CROT: variants seen among roughly 807,000 people sequenced by gnomAD.
CROT encodes peroxisomal carnitine O-octanoyltransferase.
CROT carries 84 observed loss-of-function variants against 89.2 expected under a neutral mutation model. That is an observed-to-expected ratio of 0.94 (90% CI 0.79 to 1.13). The LOEUF (loss-of-function observed/expected upper bound fraction) is 1.13, where lower values mean the gene tolerates loss of function less well. CROT is among the 50% of genes most tolerant of loss of function. The pLI is 0.00. For missense variants in CROT, 711 were observed against 727.8 expected, an observed-to-expected ratio of 0.98 and a Z score of 0.27; for synonymous variants, 212 against 239.5, an observed-to-expected ratio of 0.89 and a Z score of 1.06.
intron 6 of CROT, 82 bp downstream of exon 6, chr7:87,361,934 T>C (rs1806290137): frequency 1.6e-6 from 2 of 1,225,772 alleles, no homozygotes; most frequent in Non-Finnish European, 1.1e-6. Flanking sequence ...ACATACACTT[T>C]TGAAGAATAT....
chr7:87,347,694 G>A (rs1805730090), intron 2 of CROT, among the ~76,000 whole-genome samples: 1 of 151,524 alleles, frequency 6.6e-6, no homozygotes, highest in Non-Finnish European at 1.5e-5. Flanking sequence ...GAATAAAATA[G>A]AAGTTTTTTT....
Position 87,377,308 on chromosome 7 carries a change from T to C in CROT, c.877-41T>C, listed in dbSNP as rs748131374. 1.4e-5 allele frequency: 18 copies of C among 1,260,128 alleles called. No individual in the cohort carries two copies. In the South Asian group the frequency reaches 1.9e-4, roughly 14 times the overall value. The allele number at this position is 1,260,128 out of a possible 1,614,324, so 78.1% of individuals were successfully genotyped here. A position where few individuals can be genotyped will look rare whatever the true frequency, so the allele number is the denominator to read the frequency against. ...TAAGATGTAAATTCTTACAAACCAA[T>C]ATTAAACCCTTTTAATTTGGAAAAA... is the stretch of plus-strand genomic sequence containing the variant. On this transcript the variant is annotated intron_variant, in intron 9 of 17. Coordinates refer to ENST00000331536, the MANE Select transcript of CROT (RefSeq NM_021151.4).
At chr7:87,391,820 A>C in intron 14 of CROT, 108 bp downstream of exon 14, 1 of 1,120,708 alleles carries the variant, frequency 8.9e-7, no homozygotes. Context: ...GGATCATTAA[A>C]ATACTTTGAG....
chr7:87,352,369 T>C (rs1419310523), intron 3 of CROT, among the ~76,000 whole-genome samples: 1 of 152,222 alleles, frequency 6.6e-6, no homozygotes, highest in Non-Finnish European at 1.5e-5. Flanking sequence ...CCAAGGGACT[T>C]AAACAAAAGA....
intron 4 of CROT, 155 bp downstream of exon 4, chr7:87,359,485 A>C: frequency 7.2e-7 from 1 of 1,387,486 alleles, no homozygotes; most frequent in Non-Finnish European, 9.3e-7. Context: ...TAACTTTGGG[A>C]GTTTTCAGTG....
chr7:87,357,801 A>G lies in CROT; in HGVS notation c.116-1405A>G, dbSNP rs550827167. Among the ~76,000 whole-genome samples, 3 of 152,346 alleles carry G rather than the reference A, an allele frequency of 2.0e-5. 1 individual carries two copies. The highest frequency in any genetic ancestry group is 7.2e-5 in the African/African-American group (3 of 41,574). On this transcript the variant is annotated intron_variant, in intron 3 of 17. Coordinates refer to ENST00000331536, the MANE Select transcript of CROT (RefSeq NM_021151.4). ...CACAATTTATTATTCTATTGATTTA[A>G]ATAAAACTATCCTTGACATTTTAGT...
chr7:87,372,021 C>CA (rs1268077754), intron 7 of CROT, among the ~76,000 whole-genome samples: 434 of 126,662 alleles, frequency 3.4e-3, no homozygotes, highest in African/African-American at 0.012. Flanking sequence ...AAAAAAAAAA[C>CA]AAAAAAAAGC....
chr7:87,348,210 T>G (rs551575031), intron 2 of CROT, among the ~76,000 whole-genome samples: 2 of 151,700 alleles, frequency 1.3e-5, no homozygotes, highest in South Asian at 4.1e-4. Context: ...TTACATTATT[T>G]AATATAATTA....
At chr7:87,376,777 A>G (rs574118170) in intron 9 of CROT, among the ~76,000 whole-genome samples, 29 of 152,174 alleles carry the variant, frequency 1.9e-4, no homozygotes, top group African/African-American at 6.0e-4. Flanking sequence ...GTGTATATGC[A>G]TGCAAACACA....
chr7:87,381,831 C>T (rs1807016745), intron 10 of CROT, 79 bp from the exon 11 acceptor site: 1 of 945,166 alleles, frequency 1.1e-6, no homozygotes, highest in East Asian at 2.5e-5. Flanking sequence ...TAAGAATGGA[C>T]ACAAAGTGAA....
At chr7:87,357,878 AT>A (rs1336300117) in intron 3 of CROT, among the ~76,000 whole-genome samples, 1 of 152,158 alleles carries the variant, frequency 6.6e-6, no homozygotes, top group Non-Finnish European at 1.5e-5. Flanking sequence ...ATATATTGTT[AT>A]GGGTATTGGG....
chr7:87,372,007 C>CAAAAAAAAAAA (rs61300907), intron 7 of CROT, among the ~76,000 whole-genome samples: 1 of 124,000 alleles, frequency 8.1e-6, no homozygotes, highest in Non-Finnish European at 1.7e-5. Context: ...AAAAAAAAAA[C>CAAAAAAAAAAA]AAAAAAAAAA....
At chr7:87,388,674 T>C (rs1016039122) in intron 13 of CROT, among the ~76,000 whole-genome samples, 2 of 152,148 alleles carry the variant, frequency 1.3e-5, no homozygotes, top group Non-Finnish European at 2.9e-5. Flanking sequence ...ATAAAAACTC[T>C]AGAAGAAAAC....
chr7:87,358,274 G>A (rs1214567912), intron 3 of CROT, among the ~76,000 whole-genome samples: 3 of 151,208 alleles, frequency 2.0e-5, no homozygotes, highest in African/African-American at 4.9e-5. Flanking sequence ...TCAGGAGATC[G>A]AGACCATCCT....
At chr7:87,390,125 C>T (rs1283155782) in intron 13 of CROT, among the ~76,000 whole-genome samples, 1 of 152,108 alleles carries the variant, frequency 6.6e-6, no homozygotes, top group Non-Finnish European at 1.5e-5. Flanking sequence ...TGCTCAGTCT[C>T]CTGTATGTCT....
intron 10 of CROT, among the ~76,000 whole-genome samples, chr7:87,381,592 C>T (rs891297507): frequency 2.0e-5 from 3 of 152,172 alleles, no homozygotes; most frequent in Non-Finnish European, 2.9e-5. Flanking sequence ...TATACACTTG[C>T]TTTGACTTCT....
intron 7 of CROT, among the ~76,000 whole-genome samples, chr7:87,371,198 TG>T (rs1025231472): frequency 1.3e-5 from 2 of 152,238 alleles, no homozygotes; most frequent in Admixed American, 1.3e-4. Flanking sequence ...TCTAGAATTT[TG>T]TGTTGACTTT....
chr7:87,394,224 TAA>T (rs1182770396), intron 17 of CROT, among the ~76,000 whole-genome samples: 1 of 152,202 alleles, frequency 6.6e-6, no homozygotes, highest in Admixed American at 6.5e-5. Context: ...TGTGGTGAGC[TAA>T]AGAGTTGCAA....
rs11429478 is a variant in CROT, at chr7:87,397,350, C to CAA, written c.1719-1162_1719-1161dup. ...TGGGCAACAGAGTGAGACTCTTTCT[C>CAA]AAAAAAAAAAAAAGTATTTACTCAT... On this transcript the variant is annotated intron_variant, in intron 17 of 17. Coordinates refer to ENST00000331536, the MANE Select transcript of CROT (RefSeq NM_021151.4). 2.5e-3 allele frequency among the ~76,000 whole-genome samples: 365 copies of CAA among 146,098 alleles called. 2 individuals carry two copies. In the East Asian group the frequency reaches 0.026, roughly 10 times the overall value.
Sources: gnomAD v4.1 joint callset for allele counts (sites outside exome capture counted in the v4.1 genomes callset) on GRCh38, gnomAD v4.1.1 for gene constraint, MANE v1.5 for transcripts, NCBI Gene and HGNC (gene_info 2026-07-23, HGNC 2026-07-21) for gene names.